The following ITM2C variants were observed in gnomAD, a reference collection of about 807,000 sequenced individuals.
ITM2C encodes BRICHOS domain containing 2C.
A neutral mutation model predicts 30.0 loss-of-function variants in ITM2C; 20 were observed. That is an observed-to-expected ratio of 0.67 (90% CI 0.47 to 0.97). ITM2C has a LOEUF of 0.97. ITM2C is among the 50% of genes least tolerant of loss of function. ITM2C has a pLI of 0.00. For missense variants in ITM2C, 366 were observed against 371.9 expected, an observed-to-expected ratio of 0.98 and a Z score of 0.13; for synonymous variants, 167 against 156.4, an observed-to-expected ratio of 1.07 and a Z score of -0.51.
chr2:230,864,963 G>A lies in ITM2C; in HGVS notation c.-63G>A. 7.4e-7 allele frequency: 1 copy of A among 1,358,210 alleles called. No individual in the cohort carries two copies. The highest frequency in any genetic ancestry group is 9.6e-7 in the Non-Finnish European group (1 of 1,044,252). 84.1% of individuals were successfully genotyped at this position (1,358,210 alleles called of 1,614,324 possible). ...CGGTGCCTGCAGAGCTCGGAGCGGC[G>A]GAGGCAGAGACCGAGGCTGCACCGG... On this transcript the variant is annotated 5_prime_UTR_variant, in exon 1 of 6. Coordinates refer to ENST00000326427, the MANE Select transcript of ITM2C (RefSeq NM_030926.6). The surrounding 1 kb of genome is among the most constrained non-coding windows in gnomAD (Gnocchi z 4.3).
rs1411713640 is a variant in ITM2C, at chr2:230,878,047, G to A, written c.752G>A (p.Arg251His). 27 of 1,609,168 alleles carry A rather than the reference G, an allele frequency of 1.7e-5. No individual in the cohort carries two copies. The highest frequency in any genetic ancestry group is 2.7e-5 in the African/African-American group (2 of 74,774). ...GGGGCCAAGAACTGCAATGCCATCC[G>A]CCACTTCGAGAACACCTTCGTGGTG... is the stretch of plus-strand genomic sequence containing the variant. Reference protein sequence around the residue: ...KRGAKNCNAIRHFENTFVVET... With the variant: ...KRGAKNCNAIHHFENTFVVET... Residue 251 changes from arginine to histidine, a missense_variant, in exon 6 of 6, where the codon CGC becomes CAC. Coordinates refer to ENST00000326427, the MANE Select transcript of ITM2C (RefSeq NM_030926.6). The surrounding 1 kb of genome is among the most constrained non-coding windows in gnomAD (Gnocchi z 4.5).
At chr2:230,864,827 G>A, upstream of ITM2C, 1 of 480,556 alleles carries the variant, frequency 2.1e-6, no homozygotes, top group East Asian at 5.2e-5. This position sits in a 1 kb window ranked among gnomAD's most constrained non-coding sequence, Gnocchi z 4.3. Flanking sequence ...CGGGCCCCGC[G>A]GGCGGGAAGG....
chr2:230,865,052 C>G lies in ITM2C; in HGVS notation c.27C>G (p.Ala9=), dbSNP rs777970447. 5 of 1,525,466 alleles carry G rather than the reference C, an allele frequency of 3.3e-6. No individual in the cohort carries two copies. Among genetic ancestry groups the G allele is most frequent in the Non-Finnish European group, 4.4e-6 (5 of 1,130,980 alleles). The allele number at this position is 1,525,466 out of a possible 1,614,324, so 94.5% of individuals were successfully genotyped here. A position where few individuals can be genotyped will look rare whatever the true frequency, so the allele number is the denominator to read the frequency against. MVKISFQP[A]VAGIKGDKAD... is the part of the protein sequence containing the mutation. ...TGGTGAAGATTAGCTTCCAGCCCGC[C>G]GTGGCTGGCATCAAGGGCGACAAGG... The change falls in exon 1 of 6, where the codon GCC becomes GCG. Residue 9 remains alanine, a synonymous_variant. Transcript: ENST00000326427. The surrounding 1 kb of genome is among the most constrained non-coding windows in gnomAD (Gnocchi z 6.8).
chr2:230,872,249 T>C (rs1311327167), intron 1 of ITM2C, among the ~76,000 whole-genome samples: 1 of 151,974 alleles, frequency 6.6e-6, no homozygotes. Context: ...CTTGGCCGTA[T>C]GTGGACACCA....
upstream of ITM2C, among the ~76,000 whole-genome samples, chr2:230,864,420 G>C (rs3806537): frequency 6.6e-6 from 1 of 152,152 alleles, no homozygotes; most frequent in African/African-American, 2.4e-5. This position sits in a 1 kb window ranked among gnomAD's most constrained non-coding sequence, Gnocchi z 4.3. Context: ...AAGGCAAGAC[G>C]GAGGCAGCAG....
chr2:230,866,182 C>T (rs1269953069), intron 1 of ITM2C, among the ~76,000 whole-genome samples: 1 of 152,186 alleles, frequency 6.6e-6, no homozygotes, highest in Non-Finnish European at 1.5e-5. Flanking sequence ...ACGTGGGCGC[C>T]GCCCCCAGCG....
chr2:230,873,339 G>A, intron 1 of ITM2C, 78 bp from the exon 2 acceptor site: 2 of 1,391,782 alleles, frequency 1.4e-6, no homozygotes, highest in Non-Finnish European at 1.9e-6. Flanking sequence ...CAGCCAGCAG[G>A]TGAAGCCTGA....
rs775524363 is a variant in ITM2C at position 230,873,575 on chromosome 2, G to T, written c.261+18G>T. 3 of 1,592,190 alleles carry T rather than the reference G, an allele frequency of 1.9e-6. No individual in the cohort carries two copies. The highest frequency in any genetic ancestry group is 4.7e-5 in the East Asian group (2 of 42,964). On this transcript the variant is annotated intron_variant, in intron 2 of 5. Coordinates refer to ENST00000326427, the MANE Select transcript of ITM2C (RefSeq NM_030926.6). Reference sequence around the variant, plus strand: ...TTGCGCAGGTGAGGGGCCGGGCCAGGTAGGGGCAAGGCCTCGAGAAAGGGT... The same window carrying T: ...TTGCGCAGGTGAGGGGCCGGGCCAGTTAGGGGCAAGGCCTCGAGAAAGGGT...
Position 230,876,849 on chromosome 2 carries a change from C to T in ITM2C, c.451-8C>T. 6.3e-7 allele frequency: 1 copy of T among 1,599,982 alleles called. No homozygotes were observed. Among genetic ancestry groups the T allele is most frequent in the South Asian group, 1.1e-5 (1 of 90,774 alleles). On this transcript the variant is annotated splice_region_variant and splice_polypyrimidine_tract_variant and intron_variant, in intron 3 of 5. Coordinates refer to ENST00000326427, the MANE Select transcript of ITM2C (RefSeq NM_030926.6). ...TGCAGAGACTGACCCAACCCCTTCT[C>T]CTGCCAGGGTCTGACTGCGTACCAT...
At chr2:230,867,316 G>A (rs1009495645) in intron 1 of ITM2C, among the ~76,000 whole-genome samples, 1 of 152,210 alleles carries the variant, frequency 6.6e-6, no homozygotes, top group African/African-American at 2.4e-5. Flanking sequence ...TGCTAGATTT[G>A]GAGCCTTGGA....
chr2:230,868,259 C>A (rs886241181), intron 1 of ITM2C, among the ~76,000 whole-genome samples: 2 of 151,932 alleles, frequency 1.3e-5, no homozygotes, highest in African/African-American at 2.4e-5. Context: ...TGCCCGGCCT[C>A]CCCCCCTGGT....
intron 1 of ITM2C, among the ~76,000 whole-genome samples, chr2:230,872,110 C>T (rs190540481): frequency 1.3e-5 from 2 of 152,336 alleles, no homozygotes; most frequent in East Asian, 3.9e-4. Flanking sequence ...ATGGGGAAGC[C>T]GAGGCCCAGA....
Position 230,878,108 on chromosome 2 carries a change from TC to T in ITM2C, c.*14del. The T allele has an allele frequency of 6.4e-7, 1 of 1,563,910 alleles. No individual in the cohort carries two copies. The highest frequency in any genetic ancestry group is 8.7e-7 in the Non-Finnish European group (1 of 1,150,692). On this transcript the variant is annotated 3_prime_UTR_variant, in exon 6 of 6. Coordinates refer to ENST00000326427, the MANE Select transcript of ITM2C (RefSeq NM_030926.6). This position sits in a 1 kb window ranked among gnomAD's most constrained non-coding sequence, Gnocchi z 4.5. ...TCTGCGGGGTGGTGTGAGGCCCTCC[TC>T]CCCCAGAACCCCCTGCCGTGTTCCT...
chr2:230,874,899 C>T (rs1697252380), intron 2 of ITM2C, among the ~76,000 whole-genome samples: 1 of 152,182 alleles, frequency 6.6e-6, no homozygotes, highest in Non-Finnish European at 1.5e-5. Flanking sequence ...GACTGGCCCA[C>T]CAGACACAGT....
intron 1 of ITM2C, among the ~76,000 whole-genome samples, chr2:230,870,272 G>A (rs1030522024): frequency 7.9e-5 from 12 of 152,244 alleles, no homozygotes; most frequent in Non-Finnish European, 1.8e-4. Flanking sequence ...GCGCTGGGGC[G>A]GGATTTAGGA....
intron 1 of ITM2C, among the ~76,000 whole-genome samples, chr2:230,867,997 TCGGTGAACAGATGATTGTG>T (rs6147222): frequency 0.47 from 71,598 of 150,970 alleles, 17,833 homozygotes; most frequent in East Asian, 0.84. Flanking sequence ...GGAGGAGCAC[TCGGTGAACAGATGATTGTG>T]CGGTGAACAG....
intron 1 of ITM2C, among the ~76,000 whole-genome samples, chr2:230,870,818 G>A (rs972693547): frequency 2.0e-4 from 30 of 152,146 alleles, no homozygotes; most frequent in African/African-American, 6.5e-4. Flanking sequence ...CCTTGTCGGT[G>A]AATTTGATTT....
At chr2:230,870,574 A>G (rs1224074374) in intron 1 of ITM2C, among the ~76,000 whole-genome samples, 1 of 152,192 alleles carries the variant, frequency 6.6e-6, no homozygotes, top group Non-Finnish European at 1.5e-5. Context: ...GGGTCTTGGC[A>G]GGAACCCCTG....
intron 3 of ITM2C, 49 bp downstream of exon 3, chr2:230,875,857 G>C: frequency 8.3e-7 from 1 of 1,208,636 alleles, no homozygotes; most frequent in Non-Finnish European, 1.2e-6. Flanking sequence ...GTGTCCCGGG[G>C]ACTCAGGGCA....
Sources: allele counts gnomAD v4.1 joint callset (sites outside exome capture counted in the v4.1 genomes callset), GRCh38; gene constraint gnomAD v4.1.1; non-coding constraint Gnocchi (gnomAD v3.1); transcripts MANE v1.5; gene names NCBI Gene and HGNC (gene_info 2026-07-23, HGNC 2026-07-21).